NFRKB: variants seen among roughly 807,000 people sequenced by gnomAD.
NFRKB encodes nuclear factor related to kappaB binding protein, also known as nuclear factor related to kappa-B-binding protein.
Under a neutral mutation model 135.7 loss-of-function variants are expected in NFRKB, and 62 were observed. That is an observed-to-expected ratio of 0.46 (90% confidence interval 0.37 to 0.56). NFRKB has a LOEUF of 0.56. Among genes scored for constraint, NFRKB ranks in the 20% least tolerant of loss-of-function variants. The pLI, the probability that NFRKB is intolerant of heterozygous loss-of-function variation, is 0.00. For synonymous variants in NFRKB, 678 were observed against 635.6 expected (o/e 1.07, Z -1.00); for missense variants, 1,545 against 1,662.0 (o/e 0.93, Z 1.22).
intron 23 of NFRKB, among the ~76,000 whole-genome samples, chr11:129,871,970 C>T (rs55693840): frequency 0.042 from 6,443 of 152,246 alleles, 450 homozygotes; most frequent in African/African-American, 0.15. Flanking sequence ...ATTTTCCTCT[C>T]GTTCCTCAAT....
At chr11:129,894,984 A>T (rs1623873) in intron 1 of NFRKB, among the ~76,000 whole-genome samples, 107,855 of 152,060 alleles carry the variant, frequency 0.71, 38,333 homozygotes, top group Middle Eastern at 0.79. Context: ...CAACCTTTGC[A>T]CTGCCACTAT....
chr11:129,877,750 C>T (rs149948900), intron 15 of NFRKB, among the ~76,000 whole-genome samples: 42 of 85,978 alleles, frequency 4.9e-4, no homozygotes, highest in Admixed American at 1.8e-3. Context: ...TTTTCTACCT[C>T]CAGGGAAAGT....
chr11:129,876,000 T>A (rs1948749974), intron 17 of NFRKB, among the ~76,000 whole-genome samples: 1 of 152,146 alleles, frequency 6.6e-6, no homozygotes, highest in African/African-American at 2.4e-5. Flanking sequence ...ACCTTAAGAA[T>A]TCAGAGGGCC....
rs1948080730 is a variant in NFRKB, at chr11:129,864,106, A to G, written c.*619T>C. 1 of 152,236 alleles carries G rather than the reference A, an allele frequency of 6.6e-6. No homozygotes were observed. The highest frequency in any genetic ancestry group is 1.5e-5 in the Non-Finnish European group (1 of 68,076). The allele number at this position is 152,236 out of a possible 1,614,324, so 9.4% of individuals were successfully genotyped here. A position where few individuals can be genotyped will look rare whatever the true frequency, so the allele number is the denominator to read the frequency against. On this transcript the variant is annotated 3_prime_UTR_variant, in exon 27 of 27. Transcript: ENST00000682444. The stretch of plus-strand genomic sequence containing the variant: ...CACTCTACCTCGCTGCCTACGATGA[A>G]TTCCCATCTTACAGCCTCTCGATTA...
chr11:129,884,243 C>T, intron 7 of NFRKB, 100 bp from the exon 8 acceptor site: 1 of 1,202,862 alleles, frequency 8.3e-7, no homozygotes, highest in South Asian at 1.2e-5. Context: ...TCCCTTCTGA[C>T]ACCTGTGAAC....
Position 129,870,119 on chromosome 11 carries a change from A to G in NFRKB, c.2906T>C (p.Val969Ala). The change falls in exon 24 of 27, where the codon GTT (valine) becomes GCT (alanine). Residue 969 changes from valine to alanine, a missense_variant. Coordinates refer to ENST00000682444, the MANE Select transcript of NFRKB (RefSeq NM_001143835.2). ...CATCATGTCCGGAGTGATTCGCAGAACCGTCTGGCCCTTGGCATCTGTGGT... is the reference window on the plus strand; with the variant it reads ...CATCATGTCCGGAGTGATTCGCAGAGCCGTCTGGCCCTTGGCATCTGTGGT... ...SITTDAKGQT[V>A]LRITPDMMAT... 6.2e-7 allele frequency: 1 copy of G among 1,614,248 alleles called. No homozygotes were observed. Among genetic ancestry groups the G allele is most frequent in the African/African-American group, 1.3e-5 (1 of 75,062 alleles).
rs1949084799 is a variant in NFRKB, at chr11:129,882,629, A to C, written c.904T>G (p.Leu302Val). The change falls in exon 10 of 27, where the codon TTA becomes GTA. Residue 302 changes from leucine (L) to valine (V), a missense_variant and splice_region_variant. By Grantham distance (32) the Leu-to-Val change is conservative. Around this residue, in one of 3 missense-constraint regions of NFRKB, gnomAD observed 678 missense variants for 646.7 expected, o/e 1.05. Transcript: ENST00000682444. ...NAGRKGSLAA[L>V]YDLAVLKKKV... ...TTTTTAAGGACAGCCAAGTCATATA[A>C]GGCTAGAAAGGCAAAGTAACACCAG... 6.2e-7 allele frequency: 1 copy of C among 1,613,052 alleles called. No homozygotes were observed. Among genetic ancestry groups the C allele is most frequent in the Non-Finnish European group, 8.5e-7 (1 of 1,179,784 alleles).
intron 24 of NFRKB, among the ~76,000 whole-genome samples, chr11:129,868,518 A>C (rs1019623127): frequency 1.2e-4 from 19 of 152,182 alleles, no homozygotes; most frequent in Non-Finnish European, 2.4e-4. Flanking sequence ...GCACCGCTGG[A>C]GTATCTCAAC....
At chr11:129,885,753 AT>A in intron 5 of NFRKB, 144 bp from the exon 6 acceptor site, 1 of 722,990 alleles carries the variant, frequency 1.4e-6, no homozygotes, top group Non-Finnish European at 2.1e-6. Context: ...GCACATATAT[AT>A]TAATATATCC....
At chr11:129,865,392 T>C (rs1948142382) in intron 25 of NFRKB, among the ~76,000 whole-genome samples, 1 of 152,176 alleles carries the variant, frequency 6.6e-6, no homozygotes, top group Non-Finnish European at 1.5e-5. Flanking sequence ...GGTGTGCACT[T>C]CTGCAAGAAA....
chr11:129,888,474 T>C, intron 4 of NFRKB, 120 bp downstream of exon 4: 1 of 1,067,982 alleles, frequency 9.4e-7, no homozygotes, highest in Admixed American at 1.9e-5. Context: ...AACCGCTCTT[T>C]GCTGCCTCAG....
chr11:129,864,902 G>C, intron 26 of NFRKB, 52 bp from the exon 27 acceptor site: 1 of 1,613,594 alleles, frequency 6.2e-7, no homozygotes, highest in Non-Finnish European at 8.5e-7. Flanking sequence ...GGGCTCACCA[G>C]TTAAGAACAG....
intron 7 of NFRKB, 142 bp from the exon 8 acceptor site, chr11:129,884,285 A>T: frequency 2.5e-6 from 2 of 812,032 alleles, no homozygotes; most frequent in Non-Finnish European, 4.1e-6. Flanking sequence ...AAGTCACAGG[A>T]TCGACACTTC....
intron 5 of NFRKB, 59 bp from the exon 6 acceptor site, chr11:129,885,668 A>G: frequency 6.7e-7 from 1 of 1,494,758 alleles, no homozygotes. Context: ...TGGAACAATG[A>G]ACACTCTACA....
At chr11:129,893,143 T>TA in intron 2 of NFRKB, 2 of 1,201,544 alleles carry the variant, frequency 1.7e-6, no homozygotes, top group Non-Finnish European at 2.2e-6. Context: ...TACAGATGAG[T>TA]AAAATGAGAC....
rs777087266 is a variant in NFRKB, at chr11:129,876,852, C to T, written c.1616G>A (p.Arg539His). ...CACCACAGACTCAAAGCCGTGCATGCGAAAGGTGAACGCCTTATGGGGTTG... is the reference window on the plus strand; with the variant it reads ...CACCACAGACTCAAAGCCGTGCATGTGAAAGGTGAACGCCTTATGGGGTTG... Reference protein sequence around the residue: ...YSQPHKAFTFRMHGFESVVGP... With the variant: ...YSQPHKAFTFHMHGFESVVGP... The change falls in exon 17 of 27, where the codon CGC becomes CAC. Residue 539 changes from arginine to histidine, a missense_variant. Transcript: ENST00000682444. 57 of 1,614,010 alleles carry T rather than the reference C, an allele frequency of 3.5e-5. No homozygotes were observed. The highest frequency in any genetic ancestry group is 8.9e-5 in the East Asian group (4 of 44,886).
At chr11:129,895,075 G>C (rs1591545785) in intron 1 of NFRKB, among the ~76,000 whole-genome samples, 1 of 152,298 alleles carries the variant, frequency 6.6e-6, no homozygotes, top group Middle Eastern at 3.4e-3. Context: ...CCAGATCTTC[G>C]GGCGTTCTGA....
At chr11:129,877,484 T>C (rs1444489800) in intron 15 of NFRKB, 99 bp from the exon 16 acceptor site, 6 of 1,127,772 alleles carry the variant, frequency 5.3e-6, no homozygotes, top group Non-Finnish European at 8.0e-6. Context: ...CATGGAAAGA[T>C]GTCCCTCAAG....
At chr11:129,872,810 C>T (rs1948577509) in intron 23 of NFRKB, 74 bp downstream of exon 23, 1 of 1,462,274 alleles carries the variant, frequency 6.8e-7, no homozygotes, top group Non-Finnish European at 9.3e-7. Context: ...GCAGTCTGGC[C>T]AAGAACCTCC....
Sources: gnomAD v4.1 joint callset for allele counts (sites outside exome capture counted in the v4.1 genomes callset) on GRCh38, gnomAD v4.1.1 for gene constraint, gnomAD v4.1.1 regional missense constraint, MANE v1.5 for transcripts, NCBI Gene and HGNC (gene_info 2026-07-23, HGNC 2026-07-21) for gene names.